The following GLIS3 variants were observed in gnomAD, a reference collection of about 807,000 sequenced individuals.
The protein encoded by GLIS3 is GLIS family zinc finger 3, also known as zinc finger protein GLIS3.
In GLIS3, 53 loss-of-function variants were observed where a neutral mutation model predicts 78.6. That is an observed-to-expected ratio of 0.67 (90% CI 0.54 to 0.85). The LOEUF is 0.85. GLIS3 is among the 40% of genes least tolerant of loss of function. GLIS3 has a pLI of 0.00. For synonymous variants in GLIS3, 684 were observed against 509.9 expected, an observed-to-expected ratio of 1.34 and a Z score of -4.60; for missense variants, 1,703 against 1,231.1, an observed-to-expected ratio of 1.38 and a Z score of -5.74.
At chr9:4,436,989 A>G in the GLIS3 span, among the ~76,000 whole-genome samples, 1 of 152,096 alleles carries the variant, frequency 6.6e-6, no homozygotes, top group African/African-American at 2.4e-5. Context: ...TCCACATAAT[A>G]AAGAGCTGCA....
At chr9:4,075,909 A>C (rs910713194) in intron 4 of GLIS3, among the ~76,000 whole-genome samples, 1 of 152,210 alleles carries the variant, frequency 6.6e-6, no homozygotes, top group Non-Finnish European at 1.5e-5. Flanking sequence ...AGGCAAATCT[A>C]ATCTAAAGGA....
chr9:4,266,588 G>A (rs1826028521), intron 2 of GLIS3, among the ~76,000 whole-genome samples: 1 of 104,750 alleles, frequency 9.5e-6, no homozygotes, highest in Admixed American at 1.2e-4. Context: ...ACACATGCAT[G>A]CGCGTGTACA....
chr9:4,336,247 C>T (rs1817755674), intron 2 of GLIS3, among the ~76,000 whole-genome samples: 1 of 152,206 alleles, frequency 6.6e-6, no homozygotes, highest in Non-Finnish European at 1.5e-5. Flanking sequence ...TCTCCATGGC[C>T]ACATGTGATA....
intron 4 of GLIS3, among the ~76,000 whole-genome samples, chr9:4,092,277 G>C (rs113035055): frequency 6.6e-6 from 1 of 150,892 alleles, no homozygotes; most frequent in Admixed American, 6.6e-5. Flanking sequence ...TCAGCCTCCC[G>C]AGTAGCTGGG....
At chr9:4,469,991 A>C in the GLIS3 span, among the ~76,000 whole-genome samples, 1 of 150,664 alleles carries the variant, frequency 6.6e-6, no homozygotes, top group Non-Finnish European at 1.5e-5. Context: ...CCATCAGAGA[A>C]CAGAAAATCT....
chr9:4,289,935 C>T (rs947039619), intron 1 of GLIS3, among the ~76,000 whole-genome samples: 1 of 152,082 alleles, frequency 6.6e-6, no homozygotes, highest in African/African-American at 2.4e-5. Flanking sequence ...TTTAGTAATT[C>T]CACTAGTTTT....
chr9:4,307,073 G>C (rs1817243649), intron 4 of GLIS3, among the ~76,000 whole-genome samples: 2 of 152,190 alleles, frequency 1.3e-5, no homozygotes. Flanking sequence ...TTATGGCAAT[G>C]ATAACAACTC....
At chr9:4,220,223 A>G (rs1821201180) in intron 2 of GLIS3, among the ~76,000 whole-genome samples, 1 of 152,252 alleles carries the variant, frequency 6.6e-6, no homozygotes, top group South Asian at 2.1e-4. Context: ...AAACTTTGTA[A>G]TAGTACAACC....
intron 1 of GLIS3, among the ~76,000 whole-genome samples, chr9:4,288,926 A>G (rs1362375579): frequency 1.3e-5 from 2 of 152,188 alleles, no homozygotes; most frequent in African/African-American, 2.4e-5. Context: ...TTTCACATTA[A>G]TTACGCCAAC....
rs556024338 is a variant in GLIS3, at chr9:4,264,428, G to A, written c.388+21610C>T. Among the ~76,000 whole-genome samples, 4 of 152,250 alleles carry A rather than the reference G, an allele frequency of 2.6e-5. No individual in the cohort carries two copies. In the South Asian group the frequency reaches 8.3e-4, roughly 32 times the overall value. ...CGGACTATTCTCAATATGGTAACAC[G>A]ATGTCCTTTTTTAAAATGTAAGTTA... On this transcript the variant is annotated intron_variant, in intron 2 of 10. Transcript: ENST00000381971.
intron 4 of GLIS3, among the ~76,000 whole-genome samples, chr9:4,030,454 T>G (rs2130256777): frequency 6.6e-6 from 1 of 152,312 alleles, no homozygotes; most frequent in Non-Finnish European, 1.5e-5. Context: ...GTGATCTCAT[T>G]TGTCCATCTT....
At chr9:4,055,948 A>T (rs1279863389) in intron 4 of GLIS3, among the ~76,000 whole-genome samples, 1 of 152,214 alleles carries the variant, frequency 6.6e-6, no homozygotes, top group African/African-American at 2.4e-5. Flanking sequence ...TGAAAAGGGT[A>T]AGGAGGCAAA....
At chr9:3,921,746 T>C (rs375256849) in intron 6 of GLIS3, among the ~76,000 whole-genome samples, 6 of 152,286 alleles carry the variant, frequency 3.9e-5, no homozygotes, top group African/African-American at 1.4e-4. Flanking sequence ...AACTAGTTAA[T>C]ATCTGTTATA....
chr9:4,478,130 G>C, the GLIS3 span, among the ~76,000 whole-genome samples: 1 of 152,070 alleles, frequency 6.6e-6, no homozygotes, highest in Non-Finnish European at 1.5e-5. Flanking sequence ...ATCTTGCTGA[G>C]TCAGAAAACA....
intron 7 of GLIS3, among the ~76,000 whole-genome samples, 187 bp from the exon 8 acceptor site, chr9:3,879,782 G>A (rs1046879557): frequency 2.6e-5 from 4 of 152,072 alleles, no homozygotes; most frequent in African/African-American, 7.2e-5. Flanking sequence ...AGGTTCCTCC[G>A]GAGCTCACGT....
At chr9:3,937,213 G>A (rs1278521177) in intron 4 of GLIS3, 24 bp from the exon 5 acceptor site, 4 of 1,613,744 alleles carry the variant, frequency 2.5e-6, no homozygotes, top group South Asian at 2.2e-5. Context: ...ACAATTTTTG[G>A]TGGTTGAGAA....
intron 2 of GLIS3, among the ~76,000 whole-genome samples, chr9:4,275,163 A>C (rs1431772322): frequency 6.6e-6 from 1 of 152,136 alleles, no homozygotes; most frequent in Non-Finnish European, 1.5e-5. Flanking sequence ...TACCGATGTC[A>C]CTCAGGTGGC....
At chr9:4,167,538 C>G (rs970129414) in intron 2 of GLIS3, among the ~76,000 whole-genome samples, 3 of 152,144 alleles carry the variant, frequency 2.0e-5, no homozygotes, top group Admixed American at 6.5e-5. Context: ...ATTCTCCATG[C>G]CTGACAGAGT....
intron 4 of GLIS3, among the ~76,000 whole-genome samples, chr9:3,954,711 T>C (rs764181977): frequency 4.5e-4 from 68 of 152,258 alleles, no homozygotes; most frequent in Non-Finnish European, 8.8e-4. Context: ...AAAAAGAAAA[T>C]GTCTAAAGGA....
Sources: allele counts gnomAD v4.1 joint callset (sites outside exome capture counted in the v4.1 genomes callset), GRCh38; gene constraint gnomAD v4.1.1; transcripts MANE v1.5; gene names NCBI Gene and HGNC (gene_info 2026-07-23, HGNC 2026-07-21).